Variants in TNFRSF21 observed in about 807,000 individuals in gnomAD.
TNFRSF21 encodes tumor necrosis factor receptor superfamily member 21.
In TNFRSF21, 19 loss-of-function variants were observed where a neutral mutation model predicts 45.6. The ratio of observed to expected loss-of-function variants is 0.42; its 90% CI spans 0.29 to 0.61. The LOEUF (loss-of-function observed/expected upper bound fraction) is 0.61. Ranked by LOEUF, TNFRSF21 falls within the 20% of genes least tolerant of loss-of-function variation. TNFRSF21 has a pLI of 0.23. For missense variants in TNFRSF21, 737 were observed against 851.5 expected (o/e 0.87, Z 1.67); for synonymous variants, 314 against 335.5 (o/e 0.94, Z 0.70).
chr6:47,264,296 G>A (rs1265280329), intron 3 of TNFRSF21, among the ~76,000 whole-genome samples: 1 of 152,190 alleles, frequency 6.6e-6, no homozygotes, highest in African/African-American at 2.4e-5. Context: ...GGGAGGCCAA[G>A]GCAGGCGGAT....
intron 3 of TNFRSF21, among the ~76,000 whole-genome samples, chr6:47,259,963 A>C (rs55742141): frequency 2.5e-3 from 387 of 152,282 alleles, no homozygotes; most frequent in Middle Eastern, 0.01. Flanking sequence ...CTTTTCACTT[A>C]AGTAAAATAG....
chr6:47,239,378 T>C (rs1395287435), intron 4 of TNFRSF21, among the ~76,000 whole-genome samples: 2 of 151,726 alleles, frequency 1.3e-5, no homozygotes, highest in African/African-American at 4.8e-5. Flanking sequence ...CCCTGTTGAC[T>C]GACCTTTCCT....
chr6:47,238,675 C>T (rs1764699945), intron 4 of TNFRSF21, among the ~76,000 whole-genome samples: 1 of 152,212 alleles, frequency 6.6e-6, no homozygotes, highest in South Asian at 2.1e-4. Flanking sequence ...TCACTCAAGG[C>T]TGAGTCACAC....
chr6:47,281,173 TA>T (rs1466284510), intron 3 of TNFRSF21, among the ~76,000 whole-genome samples: 1 of 152,172 alleles, frequency 6.6e-6, no homozygotes, highest in Non-Finnish European at 1.5e-5. Context: ...TTGAAAACTG[TA>T]GTATGTTTTC....
intron 3 of TNFRSF21, among the ~76,000 whole-genome samples, chr6:47,270,740 C>A (rs1219130295): frequency 6.6e-6 from 1 of 152,024 alleles, no homozygotes; most frequent in Non-Finnish European, 1.5e-5. Context: ...CATGTTTGAA[C>A]CTATCGCAAG....
chr6:47,278,508 T>C (rs1297553815), intron 3 of TNFRSF21, among the ~76,000 whole-genome samples: 1 of 152,182 alleles, frequency 6.6e-6, no homozygotes, highest in Non-Finnish European at 1.5e-5. Flanking sequence ...ATCTTAGTTT[T>C]AAATTAAATA....
chr6:47,297,360 G>A (rs973243523), intron 1 of TNFRSF21, among the ~76,000 whole-genome samples: 1 of 152,136 alleles, frequency 6.6e-6, no homozygotes, highest in South Asian at 2.1e-4. Flanking sequence ...CAGGCAAAAC[G>A]TGTCTGACAC....
intron 3 of TNFRSF21, among the ~76,000 whole-genome samples, chr6:47,255,144 C>T (rs1420487283): frequency 6.6e-6 from 1 of 152,188 alleles, no homozygotes; most frequent in Non-Finnish European, 1.5e-5. Flanking sequence ...ACTTGAAAAC[C>T]CAGTGAGTGT....
In TNFRSF21 at chr6:47,309,526, C is replaced by T; in HGVS notation, c.-15G>A. 7.0e-7 allele frequency: 1 copy of T among 1,422,284 alleles called. No homozygotes were observed. Among genetic ancestry groups the T allele is most frequent in the Non-Finnish European group, 9.1e-7 (1 of 1,095,544 alleles). 88.1% of individuals were successfully genotyped at this position (1,422,284 alleles called of 1,614,324 possible). ...GAGGTCCCCATGGCTGAACCGGGGA[C>T]TCGCAGGGGCGCCCGGGGCGCGCGG... On this transcript the variant is annotated 5_prime_UTR_variant, in exon 1 of 6. Coordinates refer to ENST00000296861, the MANE Select transcript of TNFRSF21 (RefSeq NM_014452.5).
At chr6:47,286,909 T>A (rs1387288728) in intron 1 of TNFRSF21, among the ~76,000 whole-genome samples, 17 of 152,146 alleles carry the variant, frequency 1.1e-4, no homozygotes, top group Admixed American at 3.9e-4. Flanking sequence ...AAAAATCAGT[T>A]GAGAATATGT....
At chr6:47,309,322 C>A (rs879435911) in intron 1 of TNFRSF21, 94 bp downstream of exon 1, 80 of 1,447,100 alleles carry the variant, frequency 5.5e-5, no homozygotes, top group Non-Finnish European at 7.1e-5. Context: ...CCCCGCGCCT[C>A]CCTAAGCCCC....
intron 1 of TNFRSF21, among the ~76,000 whole-genome samples, chr6:47,295,515 G>A: frequency 6.6e-6 from 1 of 152,214 alleles, no homozygotes; most frequent in Non-Finnish European, 1.5e-5. Context: ...AGATGATAAT[G>A]CAACCAAGTT....
chr6:47,275,498 C>T (rs1056535624), intron 3 of TNFRSF21, among the ~76,000 whole-genome samples: 1 of 152,190 alleles, frequency 6.6e-6, no homozygotes, highest in Non-Finnish European at 1.5e-5. Flanking sequence ...CCACCGGGGC[C>T]TGTTGGGGGG....
At chr6:47,267,868 C>G (rs1306029654) in intron 3 of TNFRSF21, among the ~76,000 whole-genome samples, 2 of 152,154 alleles carry the variant, frequency 1.3e-5, no homozygotes, top group African/African-American at 4.8e-5. Flanking sequence ...AATTATCAAC[C>G]CCATCTTTCT....
chr6:47,259,209 GT>G (rs1177508240), intron 3 of TNFRSF21, among the ~76,000 whole-genome samples: 1 of 152,246 alleles, frequency 6.6e-6, no homozygotes, highest in Non-Finnish European at 1.5e-5. Flanking sequence ...CCCCATCGGA[GT>G]TCCCAGGGTT....
At chr6:47,295,261 T>C (rs976156894) in intron 1 of TNFRSF21, among the ~76,000 whole-genome samples, 10 of 152,252 alleles carry the variant, frequency 6.6e-5, no homozygotes, top group Admixed American at 2.0e-4. Context: ...CATGTCAGAA[T>C]GTTGATGCCT....
chr6:47,232,236 T>G lies in TNFRSF21; in HGVS notation c.*529A>C, dbSNP rs1764594243. 6.5e-6 allele frequency: 1 copy of G among 152,762 alleles called. No homozygotes were observed. Among genetic ancestry groups the G allele is most frequent in the Non-Finnish European group, 1.5e-5 (1 of 68,196 alleles). 9.5% of individuals were successfully genotyped at this position (152,762 alleles called of 1,614,324 possible). A position where few individuals can be genotyped will look rare whatever the true frequency, so the allele number is the denominator to read the frequency against. ...AAATTTTCTTAATCTTTAAGAAAAT[T>G]TATAAAGGACAAACAATAATAAAAA... On this transcript the variant is annotated 3_prime_UTR_variant, in exon 6 of 6. Coordinates refer to ENST00000296861, the MANE Select transcript of TNFRSF21 (RefSeq NM_014452.5).
intron 3 of TNFRSF21, among the ~76,000 whole-genome samples, chr6:47,274,250 T>C (rs953775992): frequency 4.2e-4 from 64 of 152,208 alleles, no homozygotes; most frequent in African/African-American, 1.3e-3. Context: ...TACAAGGCTA[T>C]AGTAACCAAA....
At chr6:47,262,733 G>A (rs1324382904) in intron 3 of TNFRSF21, among the ~76,000 whole-genome samples, 1 of 152,152 alleles carries the variant, frequency 6.6e-6, no homozygotes, top group Non-Finnish European at 1.5e-5. Flanking sequence ...GGCAGGAAGG[G>A]TATTGGCATG....
Sources: allele counts gnomAD v4.1 joint callset (sites outside exome capture counted in the v4.1 genomes callset), GRCh38; gene constraint gnomAD v4.1.1; transcripts MANE v1.5; gene names NCBI Gene and HGNC (gene_info 2026-07-23, HGNC 2026-07-21).